Variants in TRERF1 observed in about 807,000 individuals in gnomAD.
The protein encoded by TRERF1 is transcriptional-regulating factor 1.
A neutral mutation model predicts 122.9 loss-of-function variants in TRERF1; 27 were observed. That is an observed-to-expected ratio of 0.22 (90% CI 0.16 to 0.30). The LOEUF (loss-of-function observed/expected upper bound fraction) is 0.30, where lower values mean the gene tolerates loss of function less well. TRERF1 is among the 10% of genes least tolerant of loss of function. The probability of loss-of-function intolerance (pLI) is 1.00; values close to 1 mark genes in which losing one functional copy is unlikely to be tolerated. For missense variants in TRERF1, 1,248 were observed against 1,560.3 expected, an observed-to-expected ratio of 0.80 and a Z score of 3.37; for synonymous variants, 636 against 641.7, an observed-to-expected ratio of 0.99 and a Z score of 0.13.
intron 2 of TRERF1, among the ~76,000 whole-genome samples, chr6:42,391,403 A>G (rs1777709760): frequency 6.6e-6 from 1 of 152,208 alleles, no homozygotes; most frequent in Non-Finnish European, 1.5e-5. Context: ...ACAGGTCCCT[A>G]AGCTAGACTG....
chr6:42,388,414 T>G (rs960700214), intron 2 of TRERF1, among the ~76,000 whole-genome samples: 1 of 152,006 alleles, frequency 6.6e-6, no homozygotes, highest in African/African-American at 2.4e-5. Context: ...CAGTCTCAAC[T>G]CAGTGCTGGC....
intron 2 of TRERF1, among the ~76,000 whole-genome samples, chr6:42,447,619 C>T (rs550228724): frequency 2.6e-5 from 4 of 152,194 alleles, no homozygotes; most frequent in Non-Finnish European, 2.9e-5. Flanking sequence ...TGAATTCAAC[C>T]GCCTTTAGAG....
chr6:42,421,156 G>A (rs185866111), intron 2 of TRERF1, among the ~76,000 whole-genome samples: 44 of 152,290 alleles, frequency 2.9e-4, no homozygotes, highest in Admixed American at 1.8e-3. Context: ...TCATTGGGTC[G>A]TTGTGAGATT....
At chr6:42,340,999 C>T (rs1767193705) in intron 3 of TRERF1, among the ~76,000 whole-genome samples, 1 of 152,196 alleles carries the variant, frequency 6.6e-6, no homozygotes, top group African/African-American at 2.4e-5. Flanking sequence ...AAGGGCCCAT[C>T]ATTTCTTCCT....
chr6:42,360,770 TTAA>T (rs1171902428), intron 3 of TRERF1, among the ~76,000 whole-genome samples: 1,745 of 63,916 alleles, frequency 0.027, 29 homozygotes, highest in South Asian at 0.068. Context: ...AGTGGAGAGA[TTAA>T]AAAAAAAAAA....
chr6:42,372,910 G>A (rs571210110), intron 2 of TRERF1, among the ~76,000 whole-genome samples: 5 of 152,236 alleles, frequency 3.3e-5, no homozygotes, highest in South Asian at 2.1e-4. Flanking sequence ...GTGTGTGTTC[G>A]GGAGTCACGT....
intron 2 of TRERF1, among the ~76,000 whole-genome samples, chr6:42,427,554 C>A: frequency 7.0e-6 from 1 of 142,980 alleles, no homozygotes; most frequent in East Asian, 2.1e-4. Context: ...CCCTGCCTTA[C>A]TTTTTTTTTT....
At position 42,268,642 on chromosome 6, in the gene TRERF1, G is replaced by T. The variant is rs758634579; in HGVS notation, c.949C>A (p.Arg317=). 6.2e-7 allele frequency: 1 copy of T among 1,614,120 alleles called. No individual in the cohort carries two copies. Among genetic ancestry groups the T allele is most frequent in the East Asian group, 2.2e-5 (1 of 44,890 alleles). The change falls in exon 5 of 18, where the codon CGG becomes AGG. Residue 317 remains arginine, a synonymous_variant. Transcript: ENST00000372922. This position sits in a 1 kb window ranked among gnomAD's most constrained non-coding sequence, Gnocchi z 4.4. Reference sequence around the variant, plus strand: ...TGAGGTATCTGCATTGAACCCTGCCGCTGCTGCAGCTGTAGCTGCTGCGGC... The same window carrying T: ...TGAGGTATCTGCATTGAACCCTGCCTCTGCTGCAGCTGTAGCTGCTGCGGC...
chr6:42,369,885 C>A (rs113924356), intron 2 of TRERF1, among the ~76,000 whole-genome samples: 2,283 of 152,128 alleles, frequency 0.015, 53 homozygotes, highest in African/African-American at 0.051. Context: ...CCGTCTCCTC[C>A]TTCTCTAACT....
At chr6:42,316,696 C>A (rs1452304209) in intron 3 of TRERF1, among the ~76,000 whole-genome samples, 2 of 152,124 alleles carry the variant, frequency 1.3e-5, no homozygotes, top group South Asian at 4.2e-4. Context: ...CTGAAACGAA[C>A]CCCCTCCTTG....
chr6:42,256,272 A>G (rs1302479222), intron 12 of TRERF1, among the ~76,000 whole-genome samples: 1 of 152,182 alleles, frequency 6.6e-6, no homozygotes, highest in Non-Finnish European at 1.5e-5. Context: ...CAGTTGGTGA[A>G]CAGTAAACAC....
intron 3 of TRERF1, among the ~76,000 whole-genome samples, chr6:42,333,194 C>T (rs1441346998): frequency 6.6e-6 from 1 of 152,144 alleles, no homozygotes; most frequent in Non-Finnish European, 1.5e-5. Flanking sequence ...GAGATGCTTC[C>T]TGATTAAAAT....
intron 4 of TRERF1, among the ~76,000 whole-genome samples, chr6:42,298,536 G>A (rs764114828): frequency 6.6e-6 from 1 of 151,154 alleles, no homozygotes; most frequent in Non-Finnish European, 1.5e-5. Flanking sequence ...TGAGGGTGGT[G>A]GCTCACGCCT....
chr6:42,449,327 G>T (rs1788060496), intron 2 of TRERF1, among the ~76,000 whole-genome samples: 1 of 152,246 alleles, frequency 6.6e-6, no homozygotes, highest in Admixed American at 6.5e-5. Context: ...AAAGGGCGGA[G>T]CCCAGAGAGG....
chr6:42,398,509 G>T (rs189712230), intron 2 of TRERF1, among the ~76,000 whole-genome samples: 10 of 152,108 alleles, frequency 6.6e-5, no homozygotes, highest in South Asian at 4.2e-4. Context: ...TTAACCCCCC[G>T]CTTCCACTAC....
At chr6:42,256,815 A>G (rs1298856490) in exon 12 of TRERF1, 1 of 1,614,258 alleles carries the variant, frequency 6.2e-7, no homozygotes, top group Non-Finnish European at 8.5e-7. Flanking sequence ...AACAGCACAA[A>G]TTCAGAAGAT....
intron 8 of TRERF1, among the ~76,000 whole-genome samples, chr6:42,261,045 G>A (rs947771376): frequency 2.1e-4 from 29 of 137,324 alleles, no homozygotes; most frequent in Admixed American, 4.3e-4. Context: ...CCCTATCCCC[G>A]CGCCTCACCC....
intron 2 of TRERF1, among the ~76,000 whole-genome samples, chr6:42,400,398 T>TG: frequency 6.6e-6 from 1 of 152,018 alleles, no homozygotes; most frequent in Non-Finnish European, 1.5e-5. Context: ...TCCTGTGAGG[T>TG]GGGGCGGGGG....
intron 4 of TRERF1, among the ~76,000 whole-genome samples, chr6:42,288,574 CAAAAAAAAAAA>C (rs3074797): frequency 1.2e-5 from 1 of 86,548 alleles, no homozygotes; most frequent in African/African-American, 4.9e-5. Context: ...ATCTCAAAAC[CAAAAAAAAAAA>C]AAAAAAAAAA....
Sources: allele counts gnomAD v4.1 joint callset (sites outside exome capture counted in the v4.1 genomes callset), GRCh38; gene constraint gnomAD v4.1.1; non-coding constraint Gnocchi (gnomAD v3.1); transcripts MANE v1.5; gene names NCBI Gene and HGNC (gene_info 2026-07-23, HGNC 2026-07-21).